The following LDLRAD4 variants were observed in gnomAD, a reference collection of about 807,000 sequenced individuals.
The protein encoded by LDLRAD4 is low-density lipoprotein receptor class A domain-containing protein 4.
Under a neutral mutation model 17.0 loss-of-function variants are expected in LDLRAD4, and 5 were observed. The ratio of observed to expected loss-of-function variants is 0.29; its 90% confidence interval spans 0.15 to 0.62. The LOEUF (loss-of-function observed/expected upper bound fraction) is 0.62, where lower values mean the gene tolerates loss of function less well. LDLRAD4 is among the 20% of genes least tolerant of loss of function. LDLRAD4 has a pLI of 0.84. For missense variants in LDLRAD4, 340 were observed against 424.7 expected (o/e 0.80, Z 1.75); for synonymous variants, 168 against 171.8 (o/e 0.98, Z 0.17).
chr18:13,521,532 A>G (rs1055842721), intron 3 of LDLRAD4: 2 of 152,202 alleles, frequency 1.3e-5, no homozygotes, highest in Non-Finnish European at 2.9e-5. Context: ...CAGTGGAATA[A>G]CTTGGGAGGT....
chr18:13,402,191 C>T lies in LDLRAD4; in HGVS notation c.40+14429C>T, dbSNP rs566247348. On this transcript the variant is annotated intron_variant, in intron 2 of 5. Transcript: ENST00000359446. ...AACAGATCCTTCAGGCTGTGGGCCC[C>T]GTTCCTTTTTGTTTGTGCCCCTGGG... Among the ~76,000 whole-genome samples the T allele has an allele frequency of 7.9e-5, 12 of 152,296 alleles. No homozygotes were observed. In the East Asian group the frequency reaches 9.6e-4, roughly 12 times the overall value.
chr18:13,355,974 C>T (rs72872598), intron 1 of LDLRAD4, among the ~76,000 whole-genome samples: 40 of 152,188 alleles, frequency 2.6e-4, no homozygotes, highest in Admixed American at 1.8e-3. Context: ...AGCCTGAGAT[C>T]GCAATCCAGT....
chr18:13,548,697 G>A (rs1195627647), intron 3 of LDLRAD4, among the ~76,000 whole-genome samples: 3 of 152,224 alleles, frequency 2.0e-5, no homozygotes, highest in Non-Finnish European at 2.9e-5. Flanking sequence ...GTCCACAGCT[G>A]TGGCTGGGGG....
intron 1 of LDLRAD4, among the ~76,000 whole-genome samples, chr18:13,290,438 T>C (rs1201774804): frequency 3.9e-5 from 6 of 152,196 alleles, no homozygotes; most frequent in Non-Finnish European, 1.5e-5. Flanking sequence ...TCCTGAACCA[T>C]AGAACCCTAA....
At chr18:13,411,603 G>T (rs2088367492) in intron 2 of LDLRAD4, among the ~76,000 whole-genome samples, 1 of 152,240 alleles carries the variant, frequency 6.6e-6, no homozygotes, top group Non-Finnish European at 1.5e-5. Context: ...ATAAAGGGCA[G>T]TTCCCCTGCA....
At chr18:13,629,941 C>A (rs917000851) in intron 4 of LDLRAD4, among the ~76,000 whole-genome samples, 1 of 152,204 alleles carries the variant, frequency 6.6e-6, no homozygotes, top group African/African-American at 2.4e-5. Flanking sequence ...GCTCTGACTT[C>A]TTCTCACATG....
intron 3 of LDLRAD4, among the ~76,000 whole-genome samples, chr18:13,512,783 T>C (rs149996111): frequency 3.3e-4 from 51 of 152,372 alleles, no homozygotes; most frequent in African/African-American, 1.1e-3. Flanking sequence ...TAGGTTCCGA[T>C]ACTGTCCTGG....
rs73951936 is a variant in LDLRAD4 at position 13,246,611 on chromosome 18, C to T, written c.-467+27623C>T. ...GCTGGCCAGCTGTCATGGCTGCAGT[C>T]GGTATTGGAGTGGGCAGGAGTCTGT... On this transcript the variant is annotated intron_variant, in intron 1 of 5. Coordinates refer to the LDLRAD4 transcript ENST00000399848. Among the ~76,000 whole-genome samples the T allele has an allele frequency of 8.1e-3, 1,235 of 152,276 alleles. 12 individuals carry two copies. Among genetic ancestry groups the T allele is most frequent in the African/African-American group, 0.028 (1,154 of 41,552 alleles).
intron 3 of LDLRAD4, among the ~76,000 whole-genome samples, chr18:13,453,148 CG>C (rs1443820989): frequency 6.6e-6 from 1 of 152,184 alleles, no homozygotes; most frequent in Non-Finnish European, 1.5e-5. Context: ...AGCAGGACCC[CG>C]GTATCTTGCC....
At chr18:13,473,636 CATATATATATATATATATATAT>C (rs71366054) in intron 3 of LDLRAD4, among the ~76,000 whole-genome samples, 3 of 28,780 alleles carry the variant, frequency 1.0e-4, no homozygotes, top group African/African-American at 3.4e-4. Flanking sequence ...GATCCCATCT[CATATATATATATATATATATAT>C]ATATATATAT....
intron 2 of LDLRAD4, among the ~76,000 whole-genome samples, chr18:13,424,905 A>G (rs1432961213): frequency 2.0e-5 from 3 of 152,304 alleles, no homozygotes; most frequent in East Asian, 3.9e-4. Context: ...ATGCCTCGCT[A>G]ATACGGACTA....
chr18:13,604,481 T>C (rs2095200454), intron 3 of LDLRAD4, among the ~76,000 whole-genome samples: 1 of 152,144 alleles, frequency 6.6e-6, no homozygotes, highest in Admixed American at 6.6e-5. Context: ...CTAATGAAAC[T>C]GGGGTTTCAG....
At chr18:13,441,015 A>ACG (rs2090987555) in intron 3 of LDLRAD4, among the ~76,000 whole-genome samples, 1 of 152,008 alleles carries the variant, frequency 6.6e-6, no homozygotes, top group Non-Finnish European at 1.5e-5. Flanking sequence ...TCATGGGGAG[A>ACG]CGCTCACGGC....
chr18:13,354,694 C>T (rs2083238709), intron 1 of LDLRAD4, among the ~76,000 whole-genome samples: 1 of 152,092 alleles, frequency 6.6e-6, no homozygotes, highest in Non-Finnish European at 1.5e-5. Context: ...GGTTCTGAAC[C>T]CAGGATCCAT....
upstream of LDLRAD4, among the ~76,000 whole-genome samples, chr18:13,274,125 T>G (rs1421462968): frequency 2.0e-5 from 3 of 152,194 alleles, no homozygotes; most frequent in Non-Finnish European, 2.9e-5. Flanking sequence ...TGAATGAACC[T>G]TTCTTCTGAA....
chr18:13,463,327 C>G (rs1282233919), intron 3 of LDLRAD4, among the ~76,000 whole-genome samples: 1 of 152,174 alleles, frequency 6.6e-6, no homozygotes, highest in Non-Finnish European at 1.5e-5. Context: ...GCCCACCCGC[C>G]TCCCTGGAGG....
chr18:13,392,219 C>A (rs73954273), intron 2 of LDLRAD4, among the ~76,000 whole-genome samples: 1 of 152,232 alleles, frequency 6.6e-6, no homozygotes, highest in Non-Finnish European at 1.5e-5. Context: ...CTCCACGGTT[C>A]AGCTGTGCGT....
intron 1 of LDLRAD4, among the ~76,000 whole-genome samples, chr18:13,381,075 A>ATTTTTTT (rs2085322524): frequency 1.4e-5 from 1 of 72,492 alleles, no homozygotes; most frequent in African/African-American, 4.4e-5. Context: ...GTTTCTCTTT[A>ATTTTTTT]GTTTTTTTTT....
chr18:13,516,038 C>T (rs2093861040), intron 3 of LDLRAD4: 1 of 152,166 alleles, frequency 6.6e-6, no homozygotes, highest in African/African-American at 2.4e-5. Context: ...TGGTCTTGAA[C>T]TCCTGGCCTC....
Sources: gnomAD v4.1 joint callset for allele counts (sites outside exome capture counted in the v4.1 genomes callset) on GRCh38, gnomAD v4.1.1 for gene constraint, MANE v1.5 for transcripts, NCBI Gene and HGNC (gene_info 2026-07-23, HGNC 2026-07-21) for gene names.